Variants in CPNE1 observed in about 807,000 individuals in gnomAD.
CPNE1 encodes copine 1, also known as copine-1.
CPNE1 carries 58 observed loss-of-function variants against 63.2 expected under a neutral mutation model. That is an observed-to-expected ratio of 0.92 (90% CI 0.74 to 1.14). CPNE1 has a LOEUF of 1.14. Ranked by LOEUF, CPNE1 falls within the 50% of genes most tolerant of loss-of-function variation. CPNE1 has a pLI of 0.00. For missense variants in CPNE1, 672 were observed against 661.7 expected (o/e 1.02, Z -0.17); for synonymous variants, 237 against 249.0 (o/e 0.95, Z 0.45).
At chr20:35,626,833 C>G in intron 14 of CPNE1, 30 bp from the exon 15 acceptor site, 3 of 1,565,816 alleles carry the variant, frequency 1.9e-6, no homozygotes, top group African/African-American at 1.4e-5. Context: ...TGTCCTGAAG[C>G]AGATCCTCCT....
At chr20:35,649,416 C>T (rs545103010) in intron 1 of CPNE1, 1 of 152,434 alleles carries the variant, frequency 6.6e-6, no homozygotes, top group East Asian at 1.9e-4. Flanking sequence ...CCATACAGTC[C>T]TAGATTTTCA....
At position 35,638,173 on chromosome 20, in the gene CPNE1, T is replaced by C. The variant is rs1053444493; in HGVS notation, c.1-5250A>G. ...GTACTTAGTATATAGCTGGTACTAA[T>C]AACCATTTGCTGAACAAATGGTGAA... On this transcript the variant is annotated intron_variant, in intron 1 of 15. Transcript: ENST00000397443. Among the ~76,000 whole-genome samples, 3 of 152,226 alleles carry C rather than the reference T, an allele frequency of 2.0e-5. No homozygotes were observed. In the East Asian group the frequency reaches 5.8e-4, roughly 29 times the overall value.
rs767961253 is a variant in CPNE1, at chr20:35,630,787, A to C, written c.1004T>G (p.Leu335Arg). ...GGCCCCAAATCCAAATGCAGGGAAC[A>C]GCTTGTCTCTGTGGGAGGACAGTGT... ...SVVQDYDSDKLFPAFGFGAQV... is the reference protein window; with the variant it reads ...SVVQDYDSDKRFPAFGFGAQV... Residue 335 changes from leucine (L) to arginine (R), a missense_variant, in exon 12 of 16, where the codon CTG (leucine) becomes CGG (arginine). Leu to Arg is a moderately radical substitution (Grantham distance 102). Transcript: ENST00000397443. The C allele has an allele frequency of 6.2e-7, 1 of 1,613,762 alleles. No individual in the cohort carries two copies. The highest frequency in any genetic ancestry group is 8.5e-7 in the Non-Finnish European group (1 of 1,179,842).
chr20:35,635,972 T>C (rs754757903), intron 1 of CPNE1, among the ~76,000 whole-genome samples: 1 of 152,198 alleles, frequency 6.6e-6, no homozygotes, highest in Non-Finnish European at 1.5e-5. Context: ...TCTAGGTCCA[T>C]ACAAATCCTA....
chr20:35,630,801 G>C lies in CPNE1; in HGVS notation c.996-6C>G, dbSNP rs766420634. The C allele has an allele frequency of 1.9e-5, 31 of 1,612,902 alleles. 1 individual carries two copies. The South Asian group carries it at 2.5e-4, about 13-fold the overall frequency. ...ATGCAGGGAACAGCTTGTCTCTGTG[G>C]GAGGACAGTGTATTGGGCAAAAGGC... On this transcript the variant is annotated splice_polypyrimidine_tract_variant and splice_region_variant and intron_variant, in intron 11 of 15. Transcript: ENST00000397443.
intron 1 of CPNE1, chr20:35,654,874 A>T: frequency 6.2e-7 from 1 of 1,614,048 alleles, no homozygotes; most frequent in Non-Finnish European, 8.5e-7. Context: ...GGCTGTGGAA[A>T]ATGTCTGTAT....
At chr20:35,657,786 T>A (rs2033986217) in intron 1 of CPNE1, among the ~76,000 whole-genome samples, 1 of 152,102 alleles carries the variant, frequency 6.6e-6, no homozygotes, top group Non-Finnish European at 1.5e-5. Context: ...CGCAGCCAGG[T>A]GCGGTGGCTC....
chr20:35,645,605 C>T (rs2033054643), intron 1 of CPNE1, among the ~76,000 whole-genome samples: 1 of 152,234 alleles, frequency 6.6e-6, no homozygotes, highest in Non-Finnish European at 1.5e-5. Context: ...CTAAGCTGTA[C>T]ATTCATGTGA....
At chr20:35,656,685 C>T (rs1227732139) in intron 1 of CPNE1, among the ~76,000 whole-genome samples, 2 of 152,174 alleles carry the variant, frequency 1.3e-5, no homozygotes, top group African/African-American at 4.8e-5. Flanking sequence ...CAGGCATGCG[C>T]CACCATGCCT....
rs1485828134 is a variant in CPNE1, at chr20:35,630,452, G to A, written c.1089C>T (p.Asn363=). 6.2e-7 allele frequency: 1 copy of A among 1,614,128 alleles called. No individual in the cohort carries two copies. The highest frequency in any genetic ancestry group is 8.5e-7 in the Non-Finnish European group (1 of 1,179,968). Residue 363 remains asparagine, a synonymous_variant, in exon 13 of 16, where the codon AAC becomes AAT. Coordinates refer to ENST00000397443, the MANE Select transcript of CPNE1 (RefSeq NM_152925.3). ...HEFALNFNPS[N]PYCAGIQGIV... ...GGGGAAACTTACCTGCACAGTAGGG[G>A]TTACTGGGGTTGAAATTCAAGGCAA...
At chr20:35,654,229 A>G (rs2033744607) in intron 1 of CPNE1, 2 of 1,614,238 alleles carry the variant, frequency 1.2e-6, no homozygotes, top group Non-Finnish European at 1.7e-6. Flanking sequence ...AATCATCAGC[A>G]TTCTGTTTCG....
At chr20:35,643,301 G>A (rs1397041773) in intron 1 of CPNE1, 1 of 153,280 alleles carries the variant, frequency 6.5e-6, no homozygotes, top group East Asian at 1.9e-4. Context: ...ATCCCTGAGA[G>A]AGGAGGACTG....
In CPNE1 at chr20:35,627,419, G is replaced by A. The variant is rs1281305807; in HGVS notation, c.1103-6C>T. On this transcript the variant is annotated splice_region_variant and splice_polypyrimidine_tract_variant and intron_variant, in intron 13 of 15. Transcript: ENST00000397443. The stretch of plus-strand genomic sequence containing the variant: ...ATCCACAATGCCCTGGATGCCTGCA[G>A]AGGAGAGCAAGAAATACCGTAAAAT... 1.2e-6 allele frequency: 2 copies of A among 1,613,684 alleles called. No individual in the cohort carries two copies. Among genetic ancestry groups the A allele is most frequent in the African/African-American group, 1.3e-5 (1 of 74,914 alleles).
intron 13 of CPNE1, among the ~76,000 whole-genome samples, chr20:35,629,055 T>C (rs2031951317): frequency 6.6e-6 from 1 of 152,180 alleles, no homozygotes; most frequent in South Asian, 2.1e-4. Flanking sequence ...TGTGAATGTG[T>C]GTGTATATGT....
chr20:35,641,036 T>C (rs926218930), intron 1 of CPNE1, among the ~76,000 whole-genome samples: 3 of 152,186 alleles, frequency 2.0e-5, no homozygotes, highest in Non-Finnish European at 4.4e-5. Flanking sequence ...CCCTTTATAG[T>C]TTGTTTTCTT....
chr20:35,653,179 G>T (rs754243964), intron 1 of CPNE1: 4 of 1,613,374 alleles, frequency 2.5e-6, no homozygotes, highest in Non-Finnish European at 3.4e-6. Context: ...CCCATTATTG[G>T]CTTCCTTTGA....
chr20:35,626,936 C>A, intron 14 of CPNE1, 133 bp from the exon 15 acceptor site: 1 of 786,060 alleles, frequency 1.3e-6, no homozygotes, highest in East Asian at 2.5e-5. Context: ...ACCTGTAATC[C>A]CAGCACTTTG....
At chr20:35,650,399 T>C (rs1238308259) in intron 1 of CPNE1, 1 of 152,544 alleles carries the variant, frequency 6.6e-6, no homozygotes, top group Non-Finnish European at 1.5e-5. Flanking sequence ...GATAAAAGAC[T>C]TTCATCTTCA....
At chr20:35,643,569 C>G (rs985565911) in intron 1 of CPNE1, 2 of 152,106 alleles carry the variant, frequency 1.3e-5, no homozygotes, top group African/African-American at 2.4e-5. Flanking sequence ...ATGGTGAAAC[C>G]CTGTCTCTAC....
Sources: allele counts gnomAD v4.1 joint callset (sites outside exome capture counted in the v4.1 genomes callset), GRCh38; gene constraint gnomAD v4.1.1; transcripts MANE v1.5; gene names NCBI Gene and HGNC (gene_info 2026-07-23, HGNC 2026-07-21).